The following GSE1 variants were observed in gnomAD, a reference collection of about 807,000 sequenced individuals.
GSE1 encodes the protein Gse1 coiled-coil protein.
GSE1 carries 32 observed loss-of-function variants against 112.6 expected under a neutral mutation model. The ratio of observed to expected loss-of-function variants is 0.28; its 90% CI spans 0.21 to 0.38. The LOEUF (loss-of-function observed/expected upper bound fraction) is 0.38, where lower values mean the gene tolerates loss of function less well. Among genes scored for constraint, GSE1 ranks in the 10% least tolerant of loss-of-function variants. The pLI is 1.00. For synonymous variants in GSE1, 1,115 were observed against 735.6 expected, an observed-to-expected ratio of 1.52 and a Z score of -8.35; for missense variants, 2,348 against 1,699.2, an observed-to-expected ratio of 1.38 and a Z score of -6.71.
At chr16:85,635,634 T>A (rs1043557210) in intron 2 of GSE1, among the ~76,000 whole-genome samples, 52 of 152,182 alleles carry the variant, frequency 3.4e-4, no homozygotes, top group African/African-American at 1.2e-3. Flanking sequence ...CTCCTGCTGC[T>A]GCAGTTGTCT....
intron 2 of GSE1, among the ~76,000 whole-genome samples, chr16:85,426,168 G>A (rs1458917213): frequency 5.6e-5 from 8 of 142,236 alleles, no homozygotes; most frequent in Non-Finnish European, 1.1e-4. Context: ...GGTGGGTGGG[G>A]TGGATGGATG....
chr16:85,219,309 C>A (rs1302397135), intron 1 of GSE1, among the ~76,000 whole-genome samples: 1 of 152,198 alleles, frequency 6.6e-6, no homozygotes, highest in African/African-American at 2.4e-5. Context: ...CCACCGTGCC[C>A]GGCCAAAAGG....
chr16:85,663,716 A>G (rs1451485093), intron 11 of GSE1, 102 bp downstream of exon 11: 3 of 1,207,524 alleles, frequency 2.5e-6, no homozygotes, highest in Non-Finnish European at 3.5e-6. Flanking sequence ...ATCTGCGATC[A>G]CTGAGCCTGA....
chr16:85,206,642 C>T (rs1194007952), intron 1 of GSE1, among the ~76,000 whole-genome samples: 1 of 151,842 alleles, frequency 6.6e-6, no homozygotes, highest in Admixed American at 6.6e-5. Context: ...TTCAGCCCCT[C>T]CCCCACCCCT....
At chr16:85,555,859 G>A, upstream of GSE1, 1 of 905,732 alleles carries the variant, frequency 1.1e-6, no homozygotes, top group Non-Finnish European at 1.3e-6. Context: ...AATCCCTGAA[G>A]ATCTTAACCC....
chr16:85,463,115 C>G (rs2050020663), intron 2 of GSE1: 1 of 985,140 alleles, frequency 1.0e-6, no homozygotes, highest in Admixed American at 6.1e-5. Context: ...CGTCTCTGCT[C>G]CAGAACCTCA....
intron 2 of GSE1, among the ~76,000 whole-genome samples, chr16:85,550,710 T>G (rs2044877488): frequency 6.6e-6 from 1 of 152,146 alleles, no homozygotes; most frequent in East Asian, 1.9e-4. Context: ...GGGAGGCTAT[T>G]TTTATTGCTC....
In GSE1 at chr16:85,666,061, G is replaced by A. The variant is rs752915180; in HGVS notation, c.2844G>A (p.Glu948=). 2.1e-5 allele frequency: 34 copies of A among 1,613,432 alleles called. No homozygotes were observed. The South Asian group carries it at 2.4e-4, about 11-fold the overall frequency. The change falls in exon 13 of 16, where the codon GAG becomes GAA. Residue 948 remains glutamate, a synonymous_variant. Transcript: ENST00000253458. The part of the protein sequence containing the change: ...ASLSDIPKAA[E]PGKLEQVRPQ... ...TGTCTGACATCCCAAAGGCCGCGGA[G>A]CCTGGGAAGCTGGAACAGGTCCGGC...
At position 85,674,540 on chromosome 16, in the gene GSE1, G is replaced by T. The variant is rs965061159; in HGVS notation, c.*2001G>T. 1.3e-5 allele frequency: 2 copies of T among 152,216 alleles called. No individual in the cohort carries two copies. The highest frequency in any genetic ancestry group is 2.9e-5 in the Non-Finnish European group (2 of 68,046). The allele number at this position is 152,216 out of a possible 1,614,324, so 9.4% of individuals were successfully genotyped here. On this transcript the variant is annotated 3_prime_UTR_variant, in exon 16 of 16. Transcript: ENST00000253458. Reference sequence around the variant, plus strand: ...TTTCTCCACTGAAAACCTACTTGAGGTTTCTGGTCTGAAGGCTTAAGAGTC... The same window carrying T: ...TTTCTCCACTGAAAACCTACTTGAGTTTTCTGGTCTGAAGGCTTAAGAGTC...
At chr16:85,527,656 C>T (rs1368487772) in intron 2 of GSE1, among the ~76,000 whole-genome samples, 1 of 152,252 alleles carries the variant, frequency 6.6e-6, no homozygotes, top group Admixed American at 6.5e-5. Context: ...GGAAGCGGGG[C>T]CGGCAGCCCT....
chr16:85,647,848 G>A (rs2051009972), intron 2 of GSE1, among the ~76,000 whole-genome samples: 1 of 152,142 alleles, frequency 6.6e-6, no homozygotes, highest in South Asian at 2.1e-4. Flanking sequence ...GCCTCCCAAA[G>A]TGCTGGGATT....
At chr16:85,199,161 T>G (rs2074982644) in intron 1 of GSE1, among the ~76,000 whole-genome samples, 1 of 152,104 alleles carries the variant, frequency 6.6e-6, no homozygotes, top group Non-Finnish European at 1.5e-5. Flanking sequence ...TTCAGCATGT[T>G]GGCCAGGCTT....
At chr16:85,643,122 C>T (rs59817555) in intron 2 of GSE1, among the ~76,000 whole-genome samples, 8,725 of 152,250 alleles carry the variant, frequency 0.057, 896 homozygotes, top group African/African-American at 0.2. Context: ...GGGGTGTCAG[C>T]TGTTAATTAC....
At chr16:85,235,561 A>G (rs75214236) in intron 1 of GSE1, among the ~76,000 whole-genome samples, 15 of 52,036 alleles carry the variant, frequency 2.9e-4, no homozygotes, top group Admixed American at 2.2e-3. Context: ...AAGGGACTAT[A>G]TGTGTGTGTG....
intron 1 of GSE1, among the ~76,000 whole-genome samples, chr16:85,247,039 C>T (rs1209371846): frequency 6.6e-6 from 1 of 152,098 alleles, no homozygotes; most frequent in Non-Finnish European, 1.5e-5. Flanking sequence ...TGACCCATCT[C>T]GTCACCTGCC....
intron 1 of GSE1, among the ~76,000 whole-genome samples, chr16:85,281,021 G>T (rs2151423064): frequency 6.6e-6 from 1 of 152,284 alleles, no homozygotes; most frequent in South Asian, 2.1e-4. Flanking sequence ...CCATGTCTCT[G>T]ATGGGTTGCG....
At chr16:85,327,055 G>A (rs1382683817) in intron 1 of GSE1, among the ~76,000 whole-genome samples, 2 of 152,224 alleles carry the variant, frequency 1.3e-5, no homozygotes, top group African/African-American at 2.4e-5. Context: ...AAGACAGTGC[G>A]TGCACCTACC....
intron 1 of GSE1, among the ~76,000 whole-genome samples, chr16:85,231,915 A>C (rs1904290293): frequency 1.3e-5 from 2 of 152,234 alleles, no homozygotes; most frequent in South Asian, 4.1e-4. Flanking sequence ...GGGGATACCC[A>C]ATGTTGACAT....
At chr16:85,561,547 C>T (rs1206083907) in intron 1 of GSE1, among the ~76,000 whole-genome samples, 2 of 152,218 alleles carry the variant, frequency 1.3e-5, no homozygotes, top group Non-Finnish European at 2.9e-5. Context: ...CTGTCCACTG[C>T]TAGAAAGGCT....
Sources: gnomAD v4.1 joint callset for allele counts (sites outside exome capture counted in the v4.1 genomes callset) on GRCh38, gnomAD v4.1.1 for gene constraint, MANE v1.5 for transcripts, NCBI Gene and HGNC (gene_info 2026-07-23, HGNC 2026-07-21) for gene names.